CDH18: variants seen among roughly 807,000 people sequenced by gnomAD.
The protein encoded by CDH18 is cadherin 18, also known as cadherin-18.
In CDH18, 31 loss-of-function variants were observed where a neutral mutation model predicts 67.9. That is an observed-to-expected ratio of 0.46 (90% CI 0.34 to 0.62). CDH18 has a LOEUF of 0.62. Ranked by LOEUF, CDH18 falls within the 20% of genes least tolerant of loss-of-function variation. The pLI is 0.01. For missense variants in CDH18, 890 were observed against 975.5 expected, an observed-to-expected ratio of 0.91 and a Z score of 1.17; for synonymous variants, 362 against 347.2, an observed-to-expected ratio of 1.04 and a Z score of -0.48.
chr5:19,832,385 A>T (rs1404226173), intron 3 of CDH18, among the ~76,000 whole-genome samples: 2 of 152,142 alleles, frequency 1.3e-5, no homozygotes, highest in Admixed American at 1.3e-4. Context: ...TATTAAAAAA[A>T]CATTCTTTTA....
chr5:20,172,242 A>ATATATATATATGTGTG lies in CDH18; in HGVS notation c.-518+83201_-518+83202insCACACATATATATATA, dbSNP rs1736887648. 1.6e-4 allele frequency among the ~76,000 whole-genome samples: 9 copies of ATATATATATATGTGTG among 56,700 alleles called. No homozygotes were observed. The East Asian group carries it at 2.3e-3, about 15-fold the overall frequency. The allele number at this position is 56,700 out of a possible 152,430, so 37.2% of individuals were successfully genotyped here. On this transcript the variant is annotated intron_variant, in intron 2 of 14. Coordinates refer to the CDH18 transcript ENST00000507958. ...TATATATGTATATATATATATATGT[A>ATATATATATATGTGTG]TATATATATATATATCTCCTCTCTG...
intron 2 of CDH18, among the ~76,000 whole-genome samples, chr5:20,197,258 T>G (rs1223327811): frequency 6.6e-6 from 1 of 152,118 alleles, no homozygotes; most frequent in East Asian, 1.9e-4. Flanking sequence ...GCAATCTGCC[T>G]GCCTTGGCCT....
intron 5 of CDH18, among the ~76,000 whole-genome samples, chr5:19,618,511 T>G (rs1287068482): frequency 6.6e-6 from 1 of 152,132 alleles, no homozygotes; most frequent in Non-Finnish European, 1.5e-5. Context: ...TGGCCTACTT[T>G]TGGTTCTTTT....
intron 6 of CDH18, among the ~76,000 whole-genome samples, chr5:19,594,428 G>C (rs1270281248): frequency 6.6e-6 from 1 of 152,124 alleles, no homozygotes; most frequent in African/African-American, 2.4e-5. Context: ...TGGGATTACA[G>C]GCATGAGCCA....
intron 6 of CDH18, among the ~76,000 whole-genome samples, chr5:19,595,711 T>C (rs1413863917): frequency 6.6e-6 from 1 of 152,224 alleles, no homozygotes; most frequent in Non-Finnish European, 1.5e-5. Context: ...TTGACACACG[T>C]GTTCATGTAT....
At chr5:20,036,274 T>C (rs1373597205) in intron 2 of CDH18, among the ~76,000 whole-genome samples, 1 of 152,008 alleles carries the variant, frequency 6.6e-6, no homozygotes, top group East Asian at 1.9e-4. Flanking sequence ...GTATTAGTAT[T>C]TTCATGTGCA....
intron 2 of CDH18, among the ~76,000 whole-genome samples, chr5:20,087,479 GGA>G (rs1745064132): frequency 5.1e-5 from 3 of 58,462 alleles, no homozygotes; most frequent in Admixed American, 1.9e-4. Context: ...ATTTTTGTGG[GGA>G]AAAAAAAAAA....
intron 1 of CDH18, among the ~76,000 whole-genome samples, chr5:20,552,308 C>T (rs939243868): frequency 4.6e-5 from 7 of 152,062 alleles, no homozygotes; most frequent in Non-Finnish European, 8.8e-5. Flanking sequence ...AAAACCTCGT[C>T]TCTACTAAAA....
chr5:19,915,345 C>A (rs1036051411), intron 2 of CDH18, among the ~76,000 whole-genome samples: 2 of 152,096 alleles, frequency 1.3e-5, no homozygotes, highest in Non-Finnish European at 2.9e-5. Context: ...TTATAGCTGA[C>A]CCTTGGACAA....
intron 2 of CDH18, among the ~76,000 whole-genome samples, chr5:19,918,181 T>A (rs556277011): frequency 6.6e-6 from 1 of 152,204 alleles, no homozygotes; most frequent in Non-Finnish European, 1.5e-5. Context: ...TGTCAAATTA[T>A]GTCAACATCA....
At chr5:19,594,138 T>C (rs971868481) in intron 6 of CDH18, among the ~76,000 whole-genome samples, 7 of 152,034 alleles carry the variant, frequency 4.6e-5, no homozygotes, top group Non-Finnish European at 8.8e-5. Context: ...GAGTTTTCAA[T>C]GCATTTTTTT....
chr5:19,938,142 T>C (rs1794471589), intron 2 of CDH18, among the ~76,000 whole-genome samples: 1 of 150,534 alleles, frequency 6.6e-6, no homozygotes, highest in African/African-American at 2.4e-5. Flanking sequence ...GGGTGTATAC[T>C]GTGAAGCAGT....
intron 1 of CDH18, among the ~76,000 whole-genome samples, chr5:20,320,962 G>A (rs10039555): frequency 0.072 from 10,997 of 152,058 alleles, 637 homozygotes; most frequent in East Asian, 0.29. Flanking sequence ...AGCCAGCTCA[G>A]GCTTACTTTT....
chr5:20,049,888 G>A (rs1331836497), intron 2 of CDH18, among the ~76,000 whole-genome samples: 1 of 151,656 alleles, frequency 6.6e-6, no homozygotes, highest in Non-Finnish European at 1.5e-5. Flanking sequence ...ACCAAGAAGA[G>A]ATACTGTTAA....
chr5:19,623,259 C>T (rs1174961826), intron 5 of CDH18, among the ~76,000 whole-genome samples: 1 of 152,160 alleles, frequency 6.6e-6, no homozygotes, highest in Non-Finnish European at 1.5e-5. Flanking sequence ...TTAGTCAACA[C>T]ATAGAACACG....
chr5:19,978,823 G>C (rs12055368), intron 2 of CDH18, among the ~76,000 whole-genome samples: 90,342 of 138,346 alleles, frequency 0.65, 27,186 homozygotes, highest in Middle Eastern at 0.75. Context: ...TACATTGGAC[G>C]CACCAAGTTT....
intron 2 of CDH18, among the ~76,000 whole-genome samples, chr5:19,890,212 G>A (rs747097396): frequency 2.0e-4 from 31 of 151,950 alleles, no homozygotes; most frequent in Non-Finnish European, 3.5e-4. Flanking sequence ...TTCTCAGCTT[G>A]CAGCCCCTTC....
Position 19,723,038 on chromosome 5 carries a change from C to T in CDH18, c.524-1572G>A, listed in dbSNP as rs190719823. Among the ~76,000 whole-genome samples the T allele has an allele frequency of 3.9e-5, 6 of 152,168 alleles. No homozygotes were observed. In the East Asian group the frequency reaches 1.2e-3, roughly 29 times the overall value. ...CTGAGGTCAGGAGTTTGAGACCAGC[C>T]TGGCAAACATGGTGAATTTTTTTTT... On this transcript the variant is annotated intron_variant, in intron 4 of 12. Transcript: ENST00000382275.
intron 1 of CDH18, among the ~76,000 whole-genome samples, chr5:20,484,169 A>T (rs4257775): frequency 0.15 from 23,430 of 152,142 alleles, 2,438 homozygotes; most frequent in Non-Finnish European, 0.23. Flanking sequence ...CAGCAGATAT[A>T]TAAAAAGGTG....
Sources: allele counts gnomAD v4.1 joint callset (sites outside exome capture counted in the v4.1 genomes callset), GRCh38; gene constraint gnomAD v4.1.1; transcripts MANE v1.5; gene names NCBI Gene and HGNC (gene_info 2026-07-23, HGNC 2026-07-21).